PASD1: variants seen among roughly 807,000 people sequenced by gnomAD.
PASD1 encodes the protein circadian clock protein PASD1.
In PASD1, 13 loss-of-function variants were observed where a neutral mutation model predicts 58.8. The ratio of observed to expected loss-of-function variants is 0.22; its 90% CI spans 0.14 to 0.35. PASD1 has a LOEUF of 0.35. Among genes scored for constraint, PASD1 ranks in the 10% least tolerant of loss-of-function variants. PASD1 has a pLI of 1.00. For missense variants in PASD1, 734 were observed against 568.3 expected (o/e 1.29, Z -2.96); for synonymous variants, 236 against 216.7 (o/e 1.09, Z -0.78).
intron 1 of PASD1, among the ~76,000 whole-genome samples, chrX:151,570,307 C>T (rs1288469219): frequency 8.9e-6 from 1 of 112,095 alleles, no homozygotes; most frequent in African/African-American, 3.2e-5. Flanking sequence ...ACTGTATTTA[C>T]AGAATGTTCA....
At chrX:151,675,743 A>C (rs1343779571) in intron 15 of PASD1, among the ~76,000 whole-genome samples, 1 of 112,008 alleles carries the variant, frequency 8.9e-6, no homozygotes, top group Non-Finnish European at 1.9e-5. Flanking sequence ...CAGACCCAGG[A>C]GCCTTAAGAC....
At chrX:151,566,070 C>G (rs1163677552) in intron 1 of PASD1, among the ~76,000 whole-genome samples, 1 of 112,061 alleles carries the variant, frequency 8.9e-6, no homozygotes, top group Non-Finnish European at 1.9e-5. Flanking sequence ...TAGTTTAACT[C>G]TCCTGGTTTT....
chrX:151,609,803 GTT>G (rs200781502), intron 3 of PASD1, among the ~76,000 whole-genome samples: 1 of 41,711 alleles, frequency 2.4e-5, no homozygotes, highest in Non-Finnish European at 5.2e-5. Flanking sequence ...CTTTCAGGGT[GTT>G]TTTTTTTTTT....
At chrX:151,603,914 C>T (rs917673032) in intron 2 of PASD1, among the ~76,000 whole-genome samples, 9 of 111,719 alleles carry the variant, frequency 8.1e-5, no homozygotes, top group Non-Finnish European at 1.7e-4. Context: ...TCTCATTTTT[C>T]TGTGAGGAGA....
At chrX:151,624,066 A>G (rs2013753461) in intron 7 of PASD1, among the ~76,000 whole-genome samples, 2 of 111,736 alleles carry the variant, frequency 1.8e-5, no homozygotes, top group Admixed American at 9.5e-5. Flanking sequence ...CAGGCTGAAT[A>G]CTGGCTGAGA....
chrX:151,575,229 G>A (rs1026767844), intron 1 of PASD1, among the ~76,000 whole-genome samples: 5 of 107,895 alleles, frequency 4.6e-5, no homozygotes, highest in Non-Finnish European at 7.7e-5. Context: ...TGGCGGGGGT[G>A]GGGGGAGGTG....
intron 1 of PASD1, among the ~76,000 whole-genome samples, chrX:151,577,320 A>G (rs1488868151): frequency 3.6e-5 from 4 of 112,208 alleles, no homozygotes; most frequent in Non-Finnish European, 7.5e-5. Flanking sequence ...TAGGAATTCT[A>G]CTGTGGTGGT....
intron 2 of PASD1, among the ~76,000 whole-genome samples, chrX:151,602,128 T>G (rs1206512265): frequency 8.9e-6 from 1 of 111,795 alleles, no homozygotes; most frequent in East Asian, 2.8e-4. Context: ...CTTTTTCTGA[T>G]GAGACCACAT....
intron 5 of PASD1, 126 bp from the exon 6 acceptor site, chrX:151,621,356 C>T (rs773241832): frequency 3.3e-5 from 18 of 539,340 alleles, no homozygotes; most frequent in East Asian, 1.1e-4. Flanking sequence ...TGCTAATGTT[C>T]GTGGAAAGAA....
chrX:151,648,296 T>C (rs892101948), intron 8 of PASD1, among the ~76,000 whole-genome samples: 1 of 110,373 alleles, frequency 9.1e-6, no homozygotes, highest in Non-Finnish European at 1.9e-5. Context: ...TTTTTTGTAA[T>C]TGCAGTTGGT....
At chrX:151,590,120 G>A (rs1037015272) in intron 1 of PASD1, among the ~76,000 whole-genome samples, 1 of 111,945 alleles carries the variant, frequency 8.9e-6, no homozygotes, top group Non-Finnish European at 1.9e-5. Flanking sequence ...GGAGGATAAA[G>A]GGAGCTTGGA....
At chrX:151,584,294 T>C (rs2013137373) in intron 1 of PASD1, among the ~76,000 whole-genome samples, 1 of 111,971 alleles carries the variant, frequency 8.9e-6, no homozygotes, top group Non-Finnish European at 1.9e-5. Context: ...CTGTGTTTAA[T>C]ATTAGGACAT....
At position 151,672,218 on chromosome X, in the gene PASD1, G is replaced by T. The variant is rs370395923; in HGVS notation, c.1473G>T (p.Glu491Asp). 796 of 1,135,862 alleles carry T rather than the reference G, an allele frequency of 7.0e-4. 7 individuals are homozygous for T. The African/African-American group carries it at 0.011, about 16-fold the overall frequency. The allele number at this position is 1,135,862 out of a possible 1,213,427, so 93.6% of individuals were successfully genotyped here. A position where few individuals can be genotyped will look rare whatever the true frequency, so the allele number is the denominator to read the frequency against. The change falls in exon 14 of 16, where the codon GAG becomes GAT. Residue 491 changes from glutamate to aspartate, a missense_variant. Coordinates refer to ENST00000370357, the MANE Select transcript of PASD1 (RefSeq NM_173493.3). Reference protein sequence around the residue: ...QLVQQEQHLKEQQRQLREQLQ... With the variant: ...QLVQQEQHLKDQQRQLREQLQ... Reference sequence around the variant, plus strand: ...TGCAGCAAGAACAACACCTGAAGGAGCAGCAGCGGCAGCTGCGGGAGCAGC... The same window carrying T: ...TGCAGCAAGAACAACACCTGAAGGATCAGCAGCGGCAGCTGCGGGAGCAGC...
chrX:151,582,501 T>C (rs1232718833), intron 1 of PASD1, among the ~76,000 whole-genome samples: 1 of 110,800 alleles, frequency 9.0e-6, no homozygotes, highest in Admixed American at 9.6e-5. Flanking sequence ...AGTGTCATGG[T>C]CCACTCAGAT....
intron 4 of PASD1, among the ~76,000 whole-genome samples, chrX:151,617,187 C>G (rs2013647808): frequency 9.0e-6 from 1 of 111,420 alleles, no homozygotes; most frequent in South Asian, 3.8e-4. Flanking sequence ...ATCTTTCTAC[C>G]TTGTGTAATA....
chrX:151,671,132 G>T lies in PASD1; in HGVS notation c.1166G>T (p.Trp389Leu). 1 of 1,211,823 alleles carries T rather than the reference G, an allele frequency of 8.3e-7. No homozygotes were observed. The highest frequency in any genetic ancestry group is 1.1e-6 in the Non-Finnish European group (1 of 895,461). ...AAGGAGCAGCTAGAAGAGAGGACTT[G>T]GTTGCTGCATGATGCCATCCAAAAC... The part of the protein sequence containing the change: ...KLKEQLEERT[W>L]LLHDAIQNQQ... Residue 389 changes from tryptophan to leucine, a missense_variant, in exon 12 of 16, where the codon TGG becomes TTG. By Grantham distance (61) the Trp-to-Leu change is moderately conservative. Transcript: ENST00000370357.
intron 1 of PASD1, among the ~76,000 whole-genome samples, chrX:151,599,551 G>A (rs2013377023): frequency 9.0e-6 from 1 of 110,752 alleles, no homozygotes; most frequent in South Asian, 3.9e-4. Flanking sequence ...TCTCAGACGG[G>A]GCGGCCGGTC....
At chrX:151,582,301 A>G (rs1396890246) in intron 1 of PASD1, among the ~76,000 whole-genome samples, 1 of 110,250 alleles carries the variant, frequency 9.1e-6, no homozygotes, top group African/African-American at 3.3e-5. Flanking sequence ...TTTTTGAGAC[A>G]AAGTCTCACT....
chrX:151,580,255 G>A (rs1481510463), intron 1 of PASD1, among the ~76,000 whole-genome samples: 2 of 112,166 alleles, frequency 1.8e-5, no homozygotes, highest in Non-Finnish European at 3.8e-5. Context: ...TTATTCTCCA[G>A]AGTCAGCCAC....
Sources: allele counts gnomAD v4.1 joint callset (sites outside exome capture counted in the v4.1 genomes callset), GRCh38; gene constraint gnomAD v4.1.1; transcripts MANE v1.5; gene names NCBI Gene and HGNC (gene_info 2026-07-23, HGNC 2026-07-21).